SDK1: variants seen among roughly 807,000 people sequenced by gnomAD.
SDK1 encodes sidekick cell adhesion molecule 1.
A neutral mutation model predicts 245.5 loss-of-function variants in SDK1; 157 were observed. The ratio of observed to expected loss-of-function variants is 0.64; its 90% confidence interval spans 0.56 to 0.73. The LOEUF (loss-of-function observed/expected upper bound fraction) is 0.73, where lower values mean the gene tolerates loss of function less well. Among genes scored for constraint, SDK1 ranks in the 30% least tolerant of loss-of-function variants. The pLI, the probability that SDK1 is intolerant of heterozygous loss-of-function variation, is 0.00. For missense variants in SDK1, 3,583 were observed against 3,002.3 expected, an observed-to-expected ratio of 1.19 and a Z score of -4.52; for synonymous variants, 1,647 against 1,278.5, an observed-to-expected ratio of 1.29 and a Z score of -6.15.
At chr7:4,082,532 C>T (rs1781122482) in intron 22 of SDK1, among the ~76,000 whole-genome samples, 1 of 111,310 alleles carries the variant, frequency 9.0e-6, no homozygotes. Context: ...GAGATTCTGT[C>T]TCAAAAAAAA....
chr7:3,321,832 C>G (rs538378213), intron 1 of SDK1, among the ~76,000 whole-genome samples: 3 of 132,972 alleles, frequency 2.3e-5, no homozygotes, highest in Non-Finnish European at 4.7e-5. Context: ...TTCCTTCCTC[C>G]TTTTCTCTCT....
At chr7:3,478,145 A>C (rs1391644053) in intron 1 of SDK1, among the ~76,000 whole-genome samples, 1 of 152,138 alleles carries the variant, frequency 6.6e-6, no homozygotes, top group Non-Finnish European at 1.5e-5. Context: ...ATATATTTTA[A>C]TGTTTTCAGG....
intron 5 of SDK1, among the ~76,000 whole-genome samples, chr7:3,828,574 C>G (rs1210793086): frequency 6.6e-6 from 1 of 150,378 alleles, no homozygotes; most frequent in African/African-American, 2.4e-5. Context: ...TAACTCAATC[C>G]AAGAGAAGGT....
chr7:3,730,673 C>G (rs1045726957), intron 4 of SDK1, among the ~76,000 whole-genome samples: 1 of 152,056 alleles, frequency 6.6e-6, no homozygotes, highest in South Asian at 2.1e-4. Flanking sequence ...GATCTTAGAT[C>G]AGTTTTCCTT....
At chr7:4,175,023 G>A (rs1399598568) in intron 33 of SDK1, among the ~76,000 whole-genome samples, 3 of 152,154 alleles carry the variant, frequency 2.0e-5, no homozygotes, top group African/African-American at 7.2e-5. Flanking sequence ...TCCAGAACAC[G>A]CCGTGTGGAC....
intron 14 of SDK1, among the ~76,000 whole-genome samples, chr7:3,990,750 T>C (rs896190870): frequency 2.0e-5 from 3 of 152,206 alleles, no homozygotes; most frequent in African/African-American, 7.2e-5. Flanking sequence ...TGGAGTCCTC[T>C]TGTGATGCAC....
chr7:4,059,639 C>T (rs2128170232), intron 19 of SDK1, among the ~76,000 whole-genome samples: 1 of 152,338 alleles, frequency 6.6e-6, no homozygotes, highest in African/African-American at 2.4e-5. Context: ...ACAGAATGCA[C>T]ATTCTTTTCA....
intron 22 of SDK1, among the ~76,000 whole-genome samples, chr7:4,100,707 A>G (rs1782478699): frequency 6.6e-6 from 1 of 152,024 alleles, no homozygotes; most frequent in Non-Finnish European, 1.5e-5. Context: ...ATGAACTCCC[A>G]TTGCTTGTAA....
At chr7:3,656,972 C>T (rs1783206049) in intron 4 of SDK1, among the ~76,000 whole-genome samples, 1 of 152,128 alleles carries the variant, frequency 6.6e-6, no homozygotes, top group African/African-American at 2.4e-5. Context: ...TGGTCTCAAT[C>T]TCCTGACCTC....
chr7:3,578,226 C>G (rs1294297153), intron 1 of SDK1, among the ~76,000 whole-genome samples: 1 of 151,962 alleles, frequency 6.6e-6, no homozygotes, highest in Non-Finnish European at 1.5e-5. Flanking sequence ...TGATGCCCAC[C>G]TGAGCCGCAA....
At chr7:3,913,938 C>T (rs185450926) in intron 5 of SDK1, among the ~76,000 whole-genome samples, 2 of 152,236 alleles carry the variant, frequency 1.3e-5, no homozygotes, top group African/African-American at 2.4e-5. Context: ...GTGATACTAG[C>T]GCCAGGGCCC....
At chr7:3,580,989 A>AAAAC (rs1780466734) in intron 1 of SDK1, among the ~76,000 whole-genome samples, 1 of 136,410 alleles carries the variant, frequency 7.3e-6, no homozygotes, top group African/African-American at 2.8e-5. Context: ...AAAAAAAAAA[A>AAAAC]AAAAACCAAA....
chr7:3,323,789 C>G (rs1423119695), intron 1 of SDK1, among the ~76,000 whole-genome samples: 1 of 152,190 alleles, frequency 6.6e-6, no homozygotes, highest in Admixed American at 6.5e-5. Context: ...GAAGTGAGAT[C>G]TCATCTTTAG....
At chr7:4,230,942 G>C (rs1404864795) in intron 40 of SDK1, among the ~76,000 whole-genome samples, 1 of 152,172 alleles carries the variant, frequency 6.6e-6, no homozygotes, top group Non-Finnish European at 1.5e-5. Flanking sequence ...CTGATTCCCT[G>C]ATGGATGGCA....
chr7:3,656,297 G>A (rs1474231853), intron 4 of SDK1, among the ~76,000 whole-genome samples: 2 of 152,102 alleles, frequency 1.3e-5, no homozygotes, highest in East Asian at 1.9e-4. Context: ...TTTGCTGCCT[G>A]TGTATCTGCT....
chr7:3,625,842 G>A (rs935218968), intron 2 of SDK1, among the ~76,000 whole-genome samples: 12 of 152,104 alleles, frequency 7.9e-5, no homozygotes, highest in African/African-American at 2.7e-4. Context: ...TGCCAGCTGC[G>A]CCACCATAAA....
At chr7:3,572,636 C>T (rs1414357275) in intron 1 of SDK1, among the ~76,000 whole-genome samples, 5 of 152,000 alleles carry the variant, frequency 3.3e-5, no homozygotes, top group Non-Finnish European at 5.9e-5. Context: ...GAGCTTTACT[C>T]AGTGAAGATA....
chr7:3,856,921 G>A (rs755776480), intron 5 of SDK1, among the ~76,000 whole-genome samples: 10 of 152,052 alleles, frequency 6.6e-5, no homozygotes, highest in Non-Finnish European at 1.2e-4. Context: ...AGAATTCAAG[G>A]TAAACAGTGT....
chr7:3,507,811 A>T (rs7794138), intron 1 of SDK1, among the ~76,000 whole-genome samples: 1 of 152,068 alleles, frequency 6.6e-6, no homozygotes, highest in Non-Finnish European at 1.5e-5. Flanking sequence ...TTAAACCGCC[A>T]TATCTGGACC....
Sources: allele counts gnomAD v4.1 joint callset (sites outside exome capture counted in the v4.1 genomes callset), GRCh38; gene constraint gnomAD v4.1.1; transcripts MANE v1.5; gene names NCBI Gene and HGNC (gene_info 2026-07-23, HGNC 2026-07-21).